FSTL1: variants seen among roughly 807,000 people sequenced by gnomAD.
FSTL1 encodes follistatin like 1, also known as follistatin-related protein 1.
In FSTL1, 24 loss-of-function variants were observed where a neutral mutation model predicts 45.9. That is an observed-to-expected ratio of 0.52 (90% CI 0.38 to 0.74). The LOEUF is 0.74. Ranked by LOEUF, FSTL1 falls within the 30% of genes least tolerant of loss-of-function variation. FSTL1 has a pLI of 0.00. For missense variants in FSTL1, 340 were observed against 381.8 expected (o/e 0.89, Z 0.91); for synonymous variants, 120 against 137.6 (o/e 0.87, Z 0.89).
chr3:120,404,949 C>T lies in FSTL1; in HGVS notation c.485G>A (p.Arg162His), dbSNP rs745569949. 12 of 1,588,102 alleles carry T rather than the reference C, an allele frequency of 7.6e-6. No individual in the cohort carries two copies. Among genetic ancestry groups the T allele is most frequent in the East Asian group, 4.5e-5 (2 of 44,802 alleles). ...YFKNFDNGDS[R>H]LDSSEFLKFV... ...CTTCAGGAATTCACTGGAGTCCAGG[C>T]GAGAATCACCATTATCAAAGTTCTA... The change falls in exon 7 of 11, where the codon CGC becomes CAC. Residue 162 changes from arginine to histidine, a missense_variant. Physicochemically the swap from Arg to His is conservative, Grantham distance 29. Coordinates refer to ENST00000295633, the MANE Select transcript of FSTL1 (RefSeq NM_007085.5).
At chr3:120,440,783 G>A (rs753028429) in intron 2 of FSTL1, among the ~76,000 whole-genome samples, 1 of 152,232 alleles carries the variant, frequency 6.6e-6, no homozygotes, top group East Asian at 1.9e-4. Context: ...GTGGTGGTTC[G>A]TGAATGTTTG....
intron 2 of FSTL1, among the ~76,000 whole-genome samples, chr3:120,426,983 AG>A (rs1225159503): frequency 6.6e-6 from 1 of 152,202 alleles, no homozygotes; most frequent in Non-Finnish European, 1.5e-5. Context: ...ATTTAAAAAA[AG>A]GGTCTAGGGC....
At chr3:120,412,860 AC>A in intron 3 of FSTL1, among the ~76,000 whole-genome samples, 1 of 151,836 alleles carries the variant, frequency 6.6e-6, no homozygotes, top group African/African-American at 2.4e-5. Flanking sequence ...ACACACACAC[AC>A]ACACACACAC....
intron 5 of FSTL1, chr3:120,410,056 A>T (rs1397138501): frequency 6.3e-6 from 1 of 159,954 alleles, no homozygotes. Flanking sequence ...TTTTTATGCT[A>T]CTAGATTTCT....
chr3:120,407,023 G>C (rs1936960893), intron 6 of FSTL1, among the ~76,000 whole-genome samples: 1 of 152,148 alleles, frequency 6.6e-6, no homozygotes, highest in South Asian at 2.1e-4. Flanking sequence ...ATGAAACAAA[G>C]TTTTGACTGT....
In FSTL1 at chr3:120,414,662, C is replaced by T. The variant is rs536008967; in HGVS notation, c.168+1261G>A. 2.0e-4 allele frequency among the ~76,000 whole-genome samples: 31 copies of T among 151,948 alleles called. No homozygotes were observed. In the South Asian group the frequency reaches 6.5e-3, roughly 32 times the overall value. The stretch of plus-strand genomic sequence containing the variant: ...TCTGTACTAAGAAAACTTCTTCTGC[C>T]TTGGGATCCTGTTGATCTGTGACCT... On this transcript the variant is annotated intron_variant, in intron 3 of 10. Transcript: ENST00000295633.
chr3:120,446,593 AT>A (rs1937747307), intron 2 of FSTL1, among the ~76,000 whole-genome samples: 2 of 152,226 alleles, frequency 1.3e-5, no homozygotes, highest in Admixed American at 1.3e-4. Flanking sequence ...GCAAGAGATC[AT>A]TTTAGAGATC....
Position 120,404,756 on chromosome 3 carries a change from C to G in FSTL1, c.581+97G>C, listed in dbSNP as rs1360177855. 6 of 736,402 alleles carry G rather than the reference C, an allele frequency of 8.1e-6. No individual in the cohort carries two copies. In the Admixed American group the frequency reaches 1.1e-4, roughly 14 times the overall value. 45.6% of individuals were successfully genotyped at this position (736,402 alleles called of 1,614,324 possible). On this transcript the variant is annotated intron_variant, in intron 7 of 10. Coordinates refer to ENST00000295633, the MANE Select transcript of FSTL1 (RefSeq NM_007085.5). ...TTTTGCTTTTTACGTGACATTCTCT[C>G]ACTGGTGGCTCTTTTGCAGGTGGGA... is the stretch of plus-strand genomic sequence containing the variant.
chr3:120,449,420 G>A (rs372739734), intron 2 of FSTL1, among the ~76,000 whole-genome samples: 8 of 152,192 alleles, frequency 5.3e-5, no homozygotes, highest in Middle Eastern at 3.2e-3. Context: ...TCCGGAGCCA[G>A]ACTGTTTGGG....
intron 5 of FSTL1, 107 bp from the exon 6 acceptor site, chr3:120,409,769 TC>T: frequency 1.0e-6 from 1 of 973,272 alleles, no homozygotes; most frequent in East Asian, 2.5e-5. Flanking sequence ...GCATATGTCA[TC>T]CCAGCAACAC....
At chr3:120,408,658 A>C (rs1489549013) in intron 6 of FSTL1, among the ~76,000 whole-genome samples, 1 of 152,026 alleles carries the variant, frequency 6.6e-6, no homozygotes, top group African/African-American at 2.4e-5. Context: ...TGGTGCTTGC[A>C]TGGAAATGTG....
intron 7 of FSTL1, among the ~76,000 whole-genome samples, chr3:120,404,640 T>C (rs1438846970): frequency 6.6e-6 from 1 of 152,274 alleles, no homozygotes; most frequent in Non-Finnish European, 1.5e-5. Flanking sequence ...TTGCAAGTTC[T>C]GACCAAAAAC....
intron 2 of FSTL1, among the ~76,000 whole-genome samples, chr3:120,438,818 A>G (rs1937598261): frequency 2.0e-5 from 3 of 152,194 alleles, no homozygotes; most frequent in Admixed American, 1.3e-4. Flanking sequence ...GTTTGAAGCC[A>G]GCTCACACCA....
At chr3:120,403,920 C>CAAAAAAAAAAAA (rs34145564) in intron 7 of FSTL1, among the ~76,000 whole-genome samples, 77 of 52,100 alleles carry the variant, frequency 1.5e-3, no homozygotes, top group Non-Finnish European at 2.0e-3. Flanking sequence ...GACTCCGTCT[C>CAAAAAAAAAAAA]AAAAAAAAAA....
At chr3:120,449,110 G>A (rs948753335) in intron 2 of FSTL1, among the ~76,000 whole-genome samples, 2 of 152,202 alleles carry the variant, frequency 1.3e-5, no homozygotes, top group African/African-American at 2.4e-5. Context: ...TGGAAAACCA[G>A]ATGGATAAGA....
At chr3:120,403,938 A>C (rs1482247614) in intron 7 of FSTL1, among the ~76,000 whole-genome samples, 19 of 131,780 alleles carry the variant, frequency 1.4e-4, no homozygotes, top group Non-Finnish European at 2.7e-4. Context: ...AAAAAAAAAA[A>C]AAAAAACAAA....
chr3:120,440,935 G>A (rs909054952), intron 2 of FSTL1, among the ~76,000 whole-genome samples: 2 of 152,216 alleles, frequency 1.3e-5, no homozygotes, highest in South Asian at 4.1e-4. Flanking sequence ...CCAGGAAGGG[G>A]TGGGCATGTG....
chr3:120,423,617 G>A (rs972356677), intron 2 of FSTL1: 3 of 152,086 alleles, frequency 2.0e-5, no homozygotes, highest in Non-Finnish European at 4.4e-5. Context: ...TGAGAGAGGT[G>A]CTTCTGTTCT....
At chr3:120,414,150 G>A (rs1259787726) in intron 3 of FSTL1, among the ~76,000 whole-genome samples, 4 of 152,078 alleles carry the variant, frequency 2.6e-5, no homozygotes, top group African/African-American at 4.8e-5. Flanking sequence ...CCTCCCAGCC[G>A]CCTGCCTTGG....
Sources: gnomAD v4.1 joint callset for allele counts (sites outside exome capture counted in the v4.1 genomes callset) on GRCh38, gnomAD v4.1.1 for gene constraint, MANE v1.5 for transcripts, NCBI Gene and HGNC (gene_info 2026-07-23, HGNC 2026-07-21) for gene names.